COL4A6: variants seen among roughly 807,000 people sequenced by gnomAD.
COL4A6 encodes the protein collagen alpha-6(IV) chain.
A neutral mutation model predicts 126.7 loss-of-function variants in COL4A6; 59 were observed. That is an observed-to-expected ratio of 0.47 (90% CI 0.38 to 0.58). The LOEUF is 0.58. Among genes scored for constraint, COL4A6 ranks in the 20% least tolerant of loss-of-function variants. The probability of loss-of-function intolerance (pLI) is 0.00; values close to 1 mark genes in which losing one functional copy is unlikely to be tolerated. For synonymous variants in COL4A6, 547 were observed against 496.6 expected, an observed-to-expected ratio of 1.10 and a Z score of -1.35; for missense variants, 1,285 against 1,337.3, an observed-to-expected ratio of 0.96 and a Z score of 0.61.
chrX:108,311,096 A>G (rs1461972061), intron 2 of COL4A6, among the ~76,000 whole-genome samples: 2 of 112,257 alleles, frequency 1.8e-5, no homozygotes, highest in Non-Finnish European at 1.9e-5. Context: ...AATATACAAC[A>G]GAATATCTTT....
intron 1 of COL4A6, 92 bp from the exon 2 acceptor site, chrX:108,438,085 C>T (rs2064303814): frequency 8.3e-7 from 1 of 1,200,963 alleles, no homozygotes; most frequent in Admixed American, 2.2e-5. Context: ...GATGCCTGCT[C>T]CCAATTTCTC....
chrX:108,269,398 T>A (rs1342923028), intron 3 of COL4A6, among the ~76,000 whole-genome samples: 1 of 110,795 alleles, frequency 9.0e-6, no homozygotes, highest in Non-Finnish European at 1.9e-5. Flanking sequence ...AGGCATAGAG[T>A]TGCCATGGAG....
chrX:108,256,520 CT>C (rs2037010393), intron 3 of COL4A6, among the ~76,000 whole-genome samples: 1 of 111,303 alleles, frequency 9.0e-6, no homozygotes. Flanking sequence ...TATAGAGGGG[CT>C]AGGAACTTGC....
intron 3 of COL4A6, among the ~76,000 whole-genome samples, chrX:108,239,533 C>G (rs184947020): frequency 2.0e-3 from 221 of 111,783 alleles, no homozygotes; most frequent in African/African-American, 6.4e-3. Context: ...GAGCTCTGGC[C>G]ACGTTAGGTT....
At chrX:108,375,417 C>A (rs1427829166) in intron 2 of COL4A6, among the ~76,000 whole-genome samples, 1 of 111,427 alleles carries the variant, frequency 9.0e-6, no homozygotes, top group African/African-American at 3.3e-5. Flanking sequence ...CTGGGGAAAA[C>A]CCTTCTATAA....
At chrX:108,317,101 A>C (rs1576769) in intron 2 of COL4A6, among the ~76,000 whole-genome samples, 29,822 of 111,488 alleles carry the variant, frequency 0.27, 3,239 homozygotes, top group East Asian at 0.62. Context: ...CAGCAGGATG[A>C]TGGATGTTTA....
intron 2 of COL4A6, among the ~76,000 whole-genome samples, chrX:108,432,491 T>C (rs1333766042): frequency 8.9e-6 from 1 of 112,259 alleles, no homozygotes; most frequent in Non-Finnish European, 1.9e-5. Context: ...GGATTCAGGA[T>C]TATTTATTTC....
At chrX:108,214,286 T>C (rs1303235162) in intron 5 of COL4A6, 58 bp from the exon 6 acceptor site, 1 of 872,729 alleles carries the variant, frequency 1.1e-6, no homozygotes. Flanking sequence ...CTATTCTAAA[T>C]GGCTCCACAG....
At position 108,159,104 on chromosome X, in the gene COL4A6, G is replaced by C. The variant is rs1459879747; in HGVS notation, c.4812+358C>G. Among the ~76,000 whole-genome samples the C allele has an allele frequency of 2.7e-5, 3 of 111,560 alleles. No individual in the cohort carries two copies. The Admixed American group carries it at 2.8e-4, about 11-fold the overall frequency. ...TGGCTGGACTGATTAGTGAAACTGT[G>C]TCCTGGCCCCAAGTGGTGACAGCCT... On this transcript the variant is annotated intron_variant, in intron 44 of 44. Coordinates refer to ENST00000334504, the MANE Select transcript of COL4A6 (RefSeq NM_033641.4).
intron 3 of COL4A6, among the ~76,000 whole-genome samples, chrX:108,251,834 T>A (rs1458494676): frequency 4.5e-5 from 5 of 111,899 alleles, no homozygotes; most frequent in African/African-American, 1.3e-4. Flanking sequence ...TTGCCTTTTT[T>A]AAAAGTTTTG....
chrX:108,344,850 G>T (rs909738020), intron 2 of COL4A6, among the ~76,000 whole-genome samples: 2 of 111,658 alleles, frequency 1.8e-5, no homozygotes, highest in African/African-American at 3.3e-5. Flanking sequence ...AAAGAATCCA[G>T]ATATAAATTC....
At chrX:108,320,155 G>A (rs2038991588) in intron 2 of COL4A6, among the ~76,000 whole-genome samples, 1 of 111,720 alleles carries the variant, frequency 9.0e-6, no homozygotes, top group Non-Finnish European at 1.9e-5. Context: ...GAACATGAAG[G>A]AGTTACTGGA....
At chrX:108,368,192 T>C (rs2040248238) in intron 2 of COL4A6, among the ~76,000 whole-genome samples, 1 of 110,031 alleles carries the variant, frequency 9.1e-6, no homozygotes, top group South Asian at 3.9e-4. Context: ...TTACTATCTA[T>C]ATACCTAGGC....
intron 3 of COL4A6, among the ~76,000 whole-genome samples, chrX:108,245,042 G>A (rs1312475255): frequency 8.9e-6 from 1 of 112,466 alleles, no homozygotes; most frequent in African/African-American, 3.2e-5. Context: ...TAACTGGTGA[G>A]AGAAGTTTGC....
rs778693044 is a variant in COL4A6 at position 108,159,553 on chromosome X, G to A, written c.4721C>T (p.Ser1574Leu). 8 of 1,212,326 alleles carry A rather than the reference G, an allele frequency of 6.6e-6. No homozygotes were observed. In the South Asian group the frequency reaches 1.1e-4, roughly 16 times the overall value. The change falls in exon 44 of 45, where the codon TCG becomes TTG. Residue 1574 changes from serine to leucine, a missense_variant. Ser to Leu is a moderately radical substitution (Grantham distance 145). Transcript: ENST00000334504. ...ISRCSVCEAP[S>L]QAIAVHSQDI... ...CTGGCTGTGCACAGCAATGGCTTGC[G>A]AGGGTGCCTCACACACAGAGCAGCG...
At chrX:108,307,194 A>C (rs2147896855) in intron 3 of COL4A6, among the ~76,000 whole-genome samples, 1 of 111,976 alleles carries the variant, frequency 8.9e-6, no homozygotes, top group African/African-American at 3.2e-5. Context: ...GAAAAGTGAA[A>C]GTCATATATT....
intron 3 of COL4A6, among the ~76,000 whole-genome samples, chrX:108,306,048 C>T (rs1182215556): frequency 8.9e-6 from 1 of 111,964 alleles, no homozygotes; most frequent in African/African-American, 3.2e-5. Flanking sequence ...GAGAGGCCTA[C>T]ACTGAGAAGA....
chrX:108,247,868 A>AC (rs1360585442), intron 3 of COL4A6, among the ~76,000 whole-genome samples: 2 of 111,502 alleles, frequency 1.8e-5, no homozygotes, highest in Non-Finnish European at 3.8e-5. Context: ...GCCTTTCTCC[A>AC]CCCAGAGAAA....
At chrX:108,180,190 C>G (rs748771310) in intron 25 of COL4A6, among the ~76,000 whole-genome samples, 1 of 111,428 alleles carries the variant, frequency 9.0e-6, no homozygotes, top group African/African-American at 3.3e-5. Context: ...AGACAGACAA[C>G]CTGGCAGAGT....
Sources: allele counts gnomAD v4.1 joint callset (sites outside exome capture counted in the v4.1 genomes callset), GRCh38; gene constraint gnomAD v4.1.1; transcripts MANE v1.5; gene names NCBI Gene and HGNC (gene_info 2026-07-23, HGNC 2026-07-21).